Variants in NAP1L1 observed in about 807,000 individuals in gnomAD.
NAP1L1 encodes nucleosome assembly protein 1-like 1.
Under a neutral mutation model 58.9 loss-of-function variants are expected in NAP1L1, and 9 were observed. The observed-to-expected ratio is 0.15, with a 90% CI of 0.09 to 0.27. The LOEUF is 0.27. NAP1L1 is among the 10% of genes least tolerant of loss of function. The pLI, the probability that NAP1L1 is intolerant of heterozygous loss-of-function variation, is 1.00. For missense variants in NAP1L1, 302 were observed against 458.8 expected (o/e 0.66, Z 3.12); for synonymous variants, 130 against 138.3 (o/e 0.94, Z 0.42).
In NAP1L1 at chr12:76,036,941, G is replaced by T. The variant is rs529395027; in HGVS notation, c.*11488C>A. On this transcript the variant is annotated 3_prime_UTR_variant, in exon 15 of 15. Transcript: ENST00000618691. ...TACAAAAAAAAAAAAAACCCACAGCGCCTGTAATCCCAGCTACTCGGGAGG... is the reference window on the plus strand; with the variant it reads ...TACAAAAAAAAAAAAAACCCACAGCTCCTGTAATCCCAGCTACTCGGGAGG... The T allele has an allele frequency of 6.6e-6, 1 of 151,066 alleles. No homozygotes were observed. The highest frequency in any genetic ancestry group is 1.5e-5 in the Non-Finnish European group (1 of 67,904). 9.4% of individuals were successfully genotyped at this position (151,066 alleles called of 1,614,324 possible).
intron 12 of NAP1L1, 122 bp from the exon 13 acceptor site, chr12:76,049,907 G>A (rs1392380527): frequency 2.0e-6 from 2 of 1,001,608 alleles, no homozygotes; most frequent in African/African-American, 3.2e-5. Flanking sequence ...TTCCTATCAA[G>A]GGGCTGATTA....
intron 1 of NAP1L1, among the ~76,000 whole-genome samples, chr12:76,083,479 A>G (rs1196388211): frequency 6.6e-6 from 1 of 151,114 alleles, no homozygotes; most frequent in Non-Finnish European, 1.5e-5. Flanking sequence ...TTTCCAAAAA[A>G]AAAAAAAAAA....
intron 6 of NAP1L1, chr12:76,057,717 T>C (rs1229938436): frequency 1.3e-6 from 2 of 1,541,750 alleles, no homozygotes; most frequent in Non-Finnish European, 1.8e-6. Context: ...TAGAGAAGAA[T>C]TTTCCAAATG....
rs956592277 is a variant in NAP1L1 at position 76,038,452 on chromosome 12, T to C, written c.*9977A>G. The C allele has an allele frequency of 1.3e-5, 2 of 152,286 alleles. No individual in the cohort carries two copies. The highest frequency in any genetic ancestry group is 4.8e-5 in the African/African-American group (2 of 41,554). The allele number at this position is 152,286 out of a possible 1,614,324, so 9.4% of individuals were successfully genotyped here. On this transcript the variant is annotated 3_prime_UTR_variant, in exon 15 of 15. Coordinates refer to ENST00000618691, the MANE Select transcript of NAP1L1 (RefSeq NM_004537.7). ...CATAGGCTGTTCAATTTGATCACTA[T>C]TGATCTCTGTAAGAAAAAAAAATCC...
chr12:76,076,831 T>G (rs1277292375), intron 1 of NAP1L1, among the ~76,000 whole-genome samples: 1 of 152,076 alleles, frequency 6.6e-6, no homozygotes, highest in Non-Finnish European at 1.5e-5. Context: ...TATAGCCTAC[T>G]ACGCACCTAG....
At chr12:76,068,087 T>C (rs1829688893) in intron 3 of NAP1L1, among the ~76,000 whole-genome samples, 1 of 152,214 alleles carries the variant, frequency 6.6e-6, no homozygotes, top group Non-Finnish European at 1.5e-5. Flanking sequence ...ATTACAGTAC[T>C]AACCTTCTCT....
In NAP1L1 at chr12:76,040,915, A is replaced by C. The variant is rs543807260; in HGVS notation, c.*7514T>G. On this transcript the variant is annotated 3_prime_UTR_variant, in exon 15 of 15. Coordinates refer to ENST00000618691, the MANE Select transcript of NAP1L1 (RefSeq NM_004537.7). Reference sequence around the variant, plus strand: ...TTCTCTAGCTTACTTTTTACAGTATATAATACACATAACATACAAAGTGTG... The same window carrying C: ...TTCTCTAGCTTACTTTTTACAGTATCTAATACACATAACATACAAAGTGTG... 1 of 152,242 alleles carries C rather than the reference A, an allele frequency of 6.6e-6. No homozygotes were observed. The highest frequency in any genetic ancestry group is 2.4e-5 in the African/African-American group (1 of 41,466). 9.4% of individuals were successfully genotyped at this position (152,242 alleles called of 1,614,324 possible). A position where few individuals can be genotyped will look rare whatever the true frequency, so the allele number is the denominator to read the frequency against.
At position 76,056,075 on chromosome 12, in the gene NAP1L1, T is replaced by C; in HGVS notation, c.516A>G (p.Leu172=). Reference sequence around the variant, plus strand: ...GCAAGTCAACATTCTTAAAAACAGTTAACCAAAATTCAGGAATTCCTTTGG... The same window carrying C: ...GCAAGTCAACATTCTTAAAAACAGTCAACCAAAATTCAGGAATTCCTTTGG... The part of the protein sequence containing the change: ...EDPKGIPEFW[L]TVFKNVDLLS... Residue 172 remains leucine (L), a synonymous_variant, in exon 7 of 15, where the codon TTA becomes TTG. Transcript: ENST00000618691. The C allele has an allele frequency of 6.2e-7, 1 of 1,612,536 alleles. No homozygotes were observed. Among genetic ancestry groups the C allele is most frequent in the Non-Finnish European group, 8.5e-7 (1 of 1,179,800 alleles).
At chr12:76,070,084 A>G (rs182671540) in intron 2 of NAP1L1, among the ~76,000 whole-genome samples, 35 of 152,154 alleles carry the variant, frequency 2.3e-4, no homozygotes, top group South Asian at 1.7e-3. Context: ...TGCCAGCATA[A>G]TTCAGTCTTC....
chr12:76,070,242 C>A (rs972200688), intron 2 of NAP1L1, among the ~76,000 whole-genome samples: 1 of 152,160 alleles, frequency 6.6e-6, no homozygotes, highest in African/African-American at 2.4e-5. Flanking sequence ...CGTGCCTCAG[C>A]CTCCTGAATA....
In NAP1L1 at chr12:76,044,745, T is replaced by C. The variant is rs1948582313; in HGVS notation, c.*3684A>G. Reference sequence around the variant, plus strand: ...GATGTCAAAAGGAAGAAACACAAGATACAAAGCATACTGTATTTTTGAAAA... The same window carrying C: ...GATGTCAAAAGGAAGAAACACAAGACACAAAGCATACTGTATTTTTGAAAA... On this transcript the variant is annotated 3_prime_UTR_variant, in exon 15 of 15. Coordinates refer to ENST00000618691, the MANE Select transcript of NAP1L1 (RefSeq NM_004537.7). 1 of 152,184 alleles carries C rather than the reference T, an allele frequency of 6.6e-6. No individual in the cohort carries two copies. Among genetic ancestry groups the C allele is most frequent in the Admixed American group, 6.5e-5 (1 of 15,276 alleles). 9.4% of individuals were successfully genotyped at this position (152,184 alleles called of 1,614,324 possible).
intron 1 of NAP1L1, among the ~76,000 whole-genome samples, chr12:76,077,980 C>CAAAAAAAAAAAAAAAA (rs58558132): frequency 1.5e-5 from 1 of 65,930 alleles, no homozygotes; most frequent in Non-Finnish European, 2.7e-5. Flanking sequence ...GACCCTGTCT[C>CAAAAAAAAAAAAAAAA]AAAAAAAAAA....
At chr12:76,061,822 T>C (rs17116181) in intron 4 of NAP1L1, among the ~76,000 whole-genome samples, 2,539 of 152,310 alleles carry the variant, frequency 0.017, 65 homozygotes, top group African/African-American at 0.058. Flanking sequence ...TCTATTTCTG[T>C]TAATTTTAAG....
chr12:76,078,381 T>G (rs1950279006), intron 1 of NAP1L1, among the ~76,000 whole-genome samples: 1 of 152,166 alleles, frequency 6.6e-6, no homozygotes, highest in African/African-American at 2.4e-5. Flanking sequence ...CCCTGGTATA[T>G]TCAGACACCT....
At chr12:76,074,158 A>C (rs1950088173) in intron 2 of NAP1L1, 45 bp downstream of exon 2, 3 of 1,450,484 alleles carry the variant, frequency 2.1e-6, no homozygotes, top group Non-Finnish European at 2.9e-6. Flanking sequence ...CAGAGTACAA[A>C]GTGATGCCAA....
Position 76,039,261 on chromosome 12 carries a change from G to T in NAP1L1, c.*9168C>A, listed in dbSNP as rs1948528312. ...ACCATAGGTTCTTCTTTTTACAGGA[G>T]AGGTTGGATGCCAGTAGCCTTTAGC... is the stretch of plus-strand genomic sequence containing the variant. On this transcript the variant is annotated 3_prime_UTR_variant, in exon 15 of 15. Transcript: ENST00000618691. 1 of 152,066 alleles carries T rather than the reference G, an allele frequency of 6.6e-6. No homozygotes were observed. Among genetic ancestry groups the T allele is most frequent in the African/African-American group, 2.4e-5 (1 of 41,364 alleles). 9.4% of individuals were successfully genotyped at this position (152,066 alleles called of 1,614,324 possible). A position where few individuals can be genotyped will look rare whatever the true frequency, so the allele number is the denominator to read the frequency against.
intron 13 of NAP1L1, 104 bp downstream of exon 13, chr12:76,049,652 T>C: frequency 1.9e-6 from 3 of 1,549,902 alleles, no homozygotes; most frequent in Middle Eastern, 1.9e-4. Context: ...AATGTTTTTA[T>C]CCCAAATCAC....
At position 76,046,484 on chromosome 12, in the gene NAP1L1, T is replaced by C. The variant is rs183520379; in HGVS notation, c.*1945A>G. Reference sequence around the variant, plus strand: ...GAAAAAGCTGCATTTCGATGAACTATGGTTAAAAAAAAAAAGCACATAGTG... The same window carrying C: ...GAAAAAGCTGCATTTCGATGAACTACGGTTAAAAAAAAAAAGCACATAGTG... On this transcript the variant is annotated 3_prime_UTR_variant, in exon 15 of 15. Transcript: ENST00000618691. 6.6e-6 allele frequency: 1 copy of C among 151,760 alleles called. No individual in the cohort carries two copies. Among genetic ancestry groups the C allele is most frequent in the African/African-American group, 2.4e-5 (1 of 41,364 alleles). The allele number at this position is 151,760 out of a possible 1,614,324, so 9.4% of individuals were successfully genotyped here. A position where few individuals can be genotyped will look rare whatever the true frequency, so the allele number is the denominator to read the frequency against.
intron 6 of NAP1L1, chr12:76,057,828 GA>G: frequency 6.5e-7 from 1 of 1,541,200 alleles, no homozygotes; most frequent in Non-Finnish European, 8.8e-7. Context: ...AAAAACAGAA[GA>G]GAGGTGGAAG....
Sources: allele counts gnomAD v4.1 joint callset (sites outside exome capture counted in the v4.1 genomes callset), GRCh38; gene constraint gnomAD v4.1.1; transcripts MANE v1.5; gene names NCBI Gene and HGNC (gene_info 2026-07-23, HGNC 2026-07-21).